The following ERMAP variants were observed in gnomAD, a reference collection of about 807,000 sequenced individuals.
ERMAP encodes erythroid membrane-associated protein.
A neutral mutation model predicts 49.5 loss-of-function variants in ERMAP; 34 were observed. The observed-to-expected ratio is 0.69, with a 90% confidence interval of 0.52 to 0.91. The LOEUF is 0.91. Ranked by LOEUF, ERMAP falls within the 40% of genes least tolerant of loss-of-function variation. ERMAP has a pLI of 0.00. For synonymous variants in ERMAP, 214 were observed against 232.2 expected (o/e 0.92, Z 0.71); for missense variants, 541 against 582.6 (o/e 0.93, Z 0.74).
rs367999242 is a variant in ERMAP, at chr1:42,843,256, C to T, written c.*24C>T. The T allele has an allele frequency of 1.2e-4, 186 of 1,517,144 alleles. 1 individual carries two copies. The Middle Eastern group carries it at 1.2e-3, about 10-fold the overall frequency. 94.0% of individuals were successfully genotyped at this position (1,517,144 alleles called of 1,614,324 possible). ...AGGGATATGCCACATTACCTGCTCC[C>T]ATCACCATCCAGCCCAGCACCCTGG... On this transcript the variant is annotated 3_prime_UTR_variant, in exon 12 of 12. Coordinates refer to ENST00000372517, the MANE Select transcript of ERMAP (RefSeq NM_001017922.2).
intron 1 of ERMAP, among the ~76,000 whole-genome samples, chr1:42,824,187 A>C (rs1427576732): frequency 7.9e-6 from 1 of 126,962 alleles, no homozygotes; most frequent in East Asian, 2.2e-4. Flanking sequence ...TACTAAAAAT[A>C]CAAAAAAAAA....
chr1:42,838,840 G>A, intron 7 of ERMAP, 61 bp from the exon 8 acceptor site: 2 of 1,609,210 alleles, frequency 1.2e-6, no homozygotes, highest in South Asian at 2.2e-5. Context: ...GGCTGCCACA[G>A]CTCTGAGGAA....
chr1:42,836,525 G>T (rs1401146270), intron 6 of ERMAP, among the ~76,000 whole-genome samples: 1 of 152,082 alleles, frequency 6.6e-6, no homozygotes, highest in Non-Finnish European at 1.5e-5. Context: ...AAGAGCAGTG[G>T]TAAAGCAAGG....
At position 42,835,757 on chromosome 1, in the gene ERMAP, G is replaced by A. The variant is rs374399714; in HGVS notation, c.576G>A (p.Thr192=). The change falls in exon 6 of 12, where the codon ACG becomes ACA. Residue 192 remains threonine (T), a synonymous_variant. Coordinates refer to ENST00000372517, the MANE Select transcript of ERMAP (RefSeq NM_001017922.2). ...AKEKLLYEHV[T]EVDNLLSDHA... ...AAAAGCTTCTCTATGAACATGTGACGGAGGTGGGTAAGTGTTCTTGGCTGG... is the reference window on the plus strand; with the variant it reads ...AAAAGCTTCTCTATGAACATGTGACAGAGGTGGGTAAGTGTTCTTGGCTGG... 53 of 1,610,040 alleles carry A rather than the reference G, an allele frequency of 3.3e-5. No homozygotes were observed. The highest frequency in any genetic ancestry group is 1.2e-4 in the South Asian group (11 of 89,786).
chr1:42,826,063 A>G (rs1654536731), intron 2 of ERMAP, among the ~76,000 whole-genome samples: 1 of 152,192 alleles, frequency 6.6e-6, no homozygotes, highest in South Asian at 2.1e-4. Flanking sequence ...GGTCATATTA[A>G]ACTGCTTGGG....
chr1:42,840,097 C>T (rs748296177), intron 9 of ERMAP, 44 bp downstream of exon 9: 2 of 1,614,164 alleles, frequency 1.2e-6, no homozygotes, highest in Non-Finnish European at 1.7e-6. Flanking sequence ...AACTTATCTC[C>T]TGTTGCCCTA....
chr1:42,822,466 G>A (rs1402408446), intron 1 of ERMAP, among the ~76,000 whole-genome samples: 2 of 152,170 alleles, frequency 1.3e-5, no homozygotes, highest in Non-Finnish European at 2.9e-5. Context: ...TTACAGGCGT[G>A]AGCCACTGCA....
intron 6 of ERMAP, 25 bp downstream of exon 6, chr1:42,835,789 G>C: frequency 6.3e-7 from 1 of 1,596,272 alleles, no homozygotes; most frequent in Non-Finnish European, 8.5e-7. Context: ...CTGGGGGGCA[G>C]GGGAGATGTT....
Position 42,842,955 on chromosome 1 carries a change from C to T in ERMAP, c.1151C>T (p.Thr384Ile). The T allele has an allele frequency of 6.2e-7, 1 of 1,614,210 alleles. No homozygotes were observed. Among genetic ancestry groups the T allele is most frequent in the Non-Finnish European group, 8.5e-7 (1 of 1,180,042 alleles). The change falls in exon 12 of 12, where the codon ACC becomes ATC. Residue 384 changes from threonine to isoleucine, a missense_variant. By Grantham distance (89) the Thr-to-Ile change is moderately conservative. Coordinates refer to ENST00000372517, the MANE Select transcript of ERMAP (RefSeq NM_001017922.2). ...VTNKSHIFTF[T>I]HNFSGPLRPF... is the part of the protein sequence containing the mutation. ...AACAAGTCCCACATCTTTACTTTCA[C>T]CCACAATTTCTCTGGCCCCCTTCGC...
intron 7 of ERMAP, 89 bp from the exon 8 acceptor site, chr1:42,838,812 T>C (rs1654976357): frequency 1.9e-6 from 3 of 1,583,236 alleles, no homozygotes; most frequent in African/African-American, 1.3e-5. Context: ...ATTTTAATCT[T>C]GTGGGTTGGA....
chr1:42,818,016 G>C (rs1212758465), intron 1 of ERMAP, among the ~76,000 whole-genome samples: 1 of 152,180 alleles, frequency 6.6e-6, no homozygotes, highest in Non-Finnish European at 1.5e-5. Context: ...AGTTGTCCCG[G>C]GTCACACAGC....
intron 2 of ERMAP, chr1:42,830,149 G>T (rs1478090089): frequency 2.5e-6 from 1 of 400,450 alleles, no homozygotes; most frequent in East Asian, 4.9e-5. Flanking sequence ...CTCACTCACG[G>T]CATTTAGAGA....
At chr1:42,837,061 G>A in intron 6 of ERMAP, 97 bp from the exon 7 acceptor site, 5 of 1,246,194 alleles carry the variant, frequency 4.0e-6, no homozygotes, top group Non-Finnish European at 5.9e-6. Flanking sequence ...GGTGAAGATA[G>A]AGGTGGACAG....
At chr1:42,830,262 C>T (rs1395954263) in intron 2 of ERMAP, 182 bp from the exon 3 acceptor site, 6 of 598,158 alleles carry the variant, frequency 1.0e-5, no homozygotes, top group African/African-American at 1.9e-5. Flanking sequence ...TGAAGAAACA[C>T]AGTCTCAGAG....
intron 4 of ERMAP, among the ~76,000 whole-genome samples, chr1:42,832,595 G>A (rs973615478): frequency 2.0e-5 from 3 of 151,740 alleles, no homozygotes; most frequent in African/African-American, 7.3e-5. Context: ...TCAATCTCCC[G>A]ACCTCAGGTG....
rs1654334377 is a variant in ERMAP at position 42,819,156 on chromosome 1, G to A, written c.-122+1903G>A. 6.8e-6 allele frequency among the ~76,000 whole-genome samples: 1 copy of A among 148,014 alleles called. No individual in the cohort carries two copies. The highest frequency in any genetic ancestry group is 1.5e-5 in the Non-Finnish European group (1 of 67,366). On this transcript the variant is annotated intron_variant, in intron 1 of 11. Coordinates refer to ENST00000372517, the MANE Select transcript of ERMAP (RefSeq NM_001017922.2). This position sits in a 1 kb window ranked among gnomAD's most constrained non-coding sequence, Gnocchi z 5.1. ...TTGGTTTGGGAAACGGTGAGGAAGA[G>A]GATAAGTTAGGAGCGTGTGTGTGTG...
At chr1:42,824,064 G>A (rs906914544) in intron 1 of ERMAP, among the ~76,000 whole-genome samples, 4 of 152,208 alleles carry the variant, frequency 2.6e-5, no homozygotes, top group African/African-American at 9.7e-5. Flanking sequence ...AGGGCACGAG[G>A]CCGGGCGCGG....
chr1:42,843,909 C>CT lies in ERMAP; in HGVS notation c.*678dup. On this transcript the variant is annotated 3_prime_UTR_variant, in exon 12 of 12. Coordinates refer to ENST00000372517, the MANE Select transcript of ERMAP (RefSeq NM_001017922.2). ...GGTACAGCGACTTTAAATACAGTTG[C>CT]TATAATCCTGAAAAGCCCCAGGAGC... 2.5e-6 allele frequency: 1 copy of CT among 396,740 alleles called. No homozygotes were observed. The highest frequency in any genetic ancestry group is 4.4e-5 in the Admixed American group (1 of 22,712). 24.6% of individuals were successfully genotyped at this position (396,740 alleles called of 1,614,324 possible). A position where few individuals can be genotyped will look rare whatever the true frequency, so the allele number is the denominator to read the frequency against.
rs968137545 is a variant in ERMAP, at chr1:42,819,204, T to C, written c.-122+1951T>C. Among the ~76,000 whole-genome samples, 1,209 of 121,212 alleles carry C rather than the reference T, an allele frequency of 1.0e-2. 16 individuals carry two copies. Among genetic ancestry groups the C allele is most frequent in the African/African-American group, 0.035 (1,129 of 31,956 alleles). 79.5% of individuals were successfully genotyped at this position (121,212 alleles called of 152,430 possible). A position where few individuals can be genotyped will look rare whatever the true frequency, so the allele number is the denominator to read the frequency against. ...GTGTGTGTGTGTGTGTGTGTGTGTG[T>C]GTGCGCGCGCGCAAGAGAGGGACCG... is the stretch of plus-strand genomic sequence containing the variant. On this transcript the variant is annotated intron_variant, in intron 1 of 11. Coordinates refer to ENST00000372517, the MANE Select transcript of ERMAP (RefSeq NM_001017922.2). The surrounding 1 kb of genome is among the most constrained non-coding windows in gnomAD (Gnocchi z 5.1).
Sources: allele counts gnomAD v4.1 joint callset (sites outside exome capture counted in the v4.1 genomes callset), GRCh38; gene constraint gnomAD v4.1.1; non-coding constraint Gnocchi (gnomAD v3.1); transcripts MANE v1.5; gene names NCBI Gene and HGNC (gene_info 2026-07-23, HGNC 2026-07-21).